The following SUFU variants were observed in gnomAD, a reference collection of about 807,000 sequenced individuals.
SUFU encodes the protein suppressor of fused homolog.
SUFU carries 7 observed loss-of-function variants against 58.9 expected under a neutral mutation model. The ratio of observed to expected loss-of-function variants is 0.12; its 90% confidence interval spans 0.07 to 0.22. The LOEUF is 0.22. Ranked by LOEUF, SUFU falls within the 10% of genes least tolerant of loss-of-function variation. The pLI, the probability that SUFU is intolerant of heterozygous loss-of-function variation, is 1.00. For missense variants in SUFU, 451 were observed against 641.3 expected, an observed-to-expected ratio of 0.70 and a Z score of 3.20; for synonymous variants, 232 against 254.8, an observed-to-expected ratio of 0.91 and a Z score of 0.85.
intron 7 of SUFU, 46 bp from the exon 8 acceptor site, chr10:102,599,387 C>T: frequency 6.9e-7 from 1 of 1,456,506 alleles, no homozygotes; most frequent in Non-Finnish European, 9.6e-7. Flanking sequence ...GTGAGAATTG[C>T]TGGGAGCCCA....
At chr10:102,606,410 C>T (rs1158099273) in intron 8 of SUFU, among the ~76,000 whole-genome samples, 2 of 152,166 alleles carry the variant, frequency 1.3e-5, no homozygotes, top group Non-Finnish European at 1.5e-5. Context: ...GTTTTTATTG[C>T]GCATCACCTT....
At position 102,530,991 on chromosome 10, in the gene SUFU, G is replaced by A. The variant is rs191258979; in HGVS notation, c.318-18979G>A. 2.1e-3 allele frequency among the ~76,000 whole-genome samples: 318 copies of A among 150,900 alleles called. 2 individuals are homozygous for A. Among genetic ancestry groups the A allele is most frequent in the Middle Eastern group, 0.017 (5 of 292 alleles). ...GGTGGTTCACACCTGTAGTCCCAGCGCTTTGGGAGGCTGAGTCAGGAGGAT... is the reference window on the plus strand; with the variant it reads ...GGTGGTTCACACCTGTAGTCCCAGCACTTTGGGAGGCTGAGTCAGGAGGAT... On this transcript the variant is annotated intron_variant, in intron 2 of 11. Transcript: ENST00000369902.
Position 102,619,198 on chromosome 10 carries a change from T to G in SUFU, c.1296+1770T>G. 1 of 1,599,106 alleles carries G rather than the reference T, an allele frequency of 6.3e-7. No individual in the cohort carries two copies. The highest frequency in any genetic ancestry group is 8.5e-7 in the Non-Finnish European group (1 of 1,176,360). ...CCCACAGGACTTCGCAGATGTCACA[T>G]TGCCCCTCAGTCCCCTGAATGCCCT... On this transcript the variant is annotated intron_variant, in intron 10 of 11. Coordinates refer to ENST00000369902, the MANE Select transcript of SUFU (RefSeq NM_016169.4). The surrounding 1 kb of genome is among the most constrained non-coding windows in gnomAD (Gnocchi z 4.2).
rs1428805291 is a variant in SUFU at position 102,563,771 on chromosome 10, C to CT, written c.454+13675dup. ...AATGGCCAGTTTGGGGAGTGAAGTC[C>CT]TTTTTTTTTTGTTGTTAAATTAAGA... On this transcript the variant is annotated intron_variant, in intron 3 of 11. Transcript: ENST00000369902. Among the ~76,000 whole-genome samples the CT allele has an allele frequency of 4.6e-3, 691 of 150,200 alleles. 2 individuals are homozygous for CT. The highest frequency in any genetic ancestry group is 0.032 in the Middle Eastern group (9 of 282).
At chr10:102,541,588 G>A (rs1275961876) in intron 2 of SUFU, among the ~76,000 whole-genome samples, 9 of 151,052 alleles carry the variant, frequency 6.0e-5, no homozygotes, top group East Asian at 1.9e-4. Flanking sequence ...TAGTAGAGAC[G>A]AGGTTTCACC....
intron 3 of SUFU, among the ~76,000 whole-genome samples, chr10:102,558,821 T>A (rs1258967615): frequency 6.6e-6 from 1 of 152,206 alleles, no homozygotes; most frequent in African/African-American, 2.4e-5. Flanking sequence ...GAAGTCAGAT[T>A]ATTAGAGGAG....
At chr10:102,550,371 A>G (rs985141858) in intron 3 of SUFU, among the ~76,000 whole-genome samples, 1 of 152,054 alleles carries the variant, frequency 6.6e-6, no homozygotes, top group African/African-American at 2.4e-5. Context: ...GTCGTGTTTC[A>G]TGGAGGGTTT....
intron 3 of SUFU, among the ~76,000 whole-genome samples, chr10:102,572,067 G>T (rs1480841191): frequency 1.3e-5 from 2 of 152,012 alleles, no homozygotes; most frequent in African/African-American, 4.8e-5. Flanking sequence ...CCACCCAGGA[G>T]AATCTCTTTT....
chr10:102,547,997 A>G (rs1041951564), intron 2 of SUFU, among the ~76,000 whole-genome samples: 1 of 152,070 alleles, frequency 6.6e-6, no homozygotes, highest in Non-Finnish European at 1.5e-5. Context: ...CTAAAAAAAA[A>G]GAAAGAAATT....
At chr10:102,506,817 C>T (rs2062333177) in intron 1 of SUFU, among the ~76,000 whole-genome samples, 1 of 152,198 alleles carries the variant, frequency 6.6e-6, no homozygotes, top group Non-Finnish European at 1.5e-5. Flanking sequence ...CTGTCTGTGG[C>T]CCAGGGTAGC....
intron 3 of SUFU, among the ~76,000 whole-genome samples, chr10:102,576,508 C>T (rs184808285): frequency 1.3e-5 from 2 of 152,174 alleles, no homozygotes; most frequent in African/African-American, 4.8e-5. Flanking sequence ...TAGGTTGTTG[C>T]CATTTTTGCA....
intron 3 of SUFU, among the ~76,000 whole-genome samples, chr10:102,585,188 G>A (rs563572817): frequency 1.1e-4 from 17 of 152,172 alleles, no homozygotes; most frequent in African/African-American, 3.9e-4. Flanking sequence ...CCACAGTTGT[G>A]AAACCATCAC....
In SUFU at chr10:102,594,065, A is replaced by C. The variant is rs1317467424; in HGVS notation, c.756A>C (p.Gln252His). 1 of 1,614,064 alleles carries C rather than the reference A, an allele frequency of 6.2e-7. No homozygotes were observed. The highest frequency in any genetic ancestry group is 1.7e-5 in the Admixed American group (1 of 60,022). Residue 252 changes from glutamine (Q) to histidine (H), a missense_variant and splice_region_variant, in exon 6 of 12, where the codon CAA (glutamine) becomes CAC (histidine). Physicochemically the swap from Gln to His is conservative, Grantham distance 24. Transcript: ENST00000369902. Reference sequence around the variant, plus strand: ...TATTTGAGATCGATCCACACCTGCAAGTATGTCTTGAGTGAGGAAAACCTT... The same window carrying C: ...TATTTGAGATCGATCCACACCTGCACGTATGTCTTGAGTGAGGAAAACCTT... ...ETIFEIDPHL[Q>H]ERVDKGIETD...
intron 8 of SUFU, among the ~76,000 whole-genome samples, chr10:102,612,381 A>G (rs74153590): frequency 6.6e-6 from 1 of 152,218 alleles, no homozygotes; most frequent in African/African-American, 2.4e-5. Context: ...AAATGTGGGC[A>G]CTTGTCACAT....
chr10:102,568,923 CATATATATATATATATATATATAT>C (rs1166324733), intron 3 of SUFU, among the ~76,000 whole-genome samples: 7,160 of 39,094 alleles, frequency 0.18, 957 homozygotes, highest in East Asian at 0.5. Flanking sequence ...TATATATACA[CATATATATATATATATATATATAT>C]ATATATATAT....
chr10:102,569,991 C>T (rs779934032), intron 3 of SUFU, among the ~76,000 whole-genome samples: 2 of 152,056 alleles, frequency 1.3e-5, no homozygotes, highest in Non-Finnish European at 2.9e-5. Flanking sequence ...TGAGGTCTTC[C>T]CATATGGAAA....
In SUFU at chr10:102,632,399, AC is replaced by A; in HGVS notation, c.*2247del. The A allele has an allele frequency of 4.3e-6, 1 of 233,260 alleles. No individual in the cohort carries two copies. Among genetic ancestry groups the A allele is most frequent in the Non-Finnish European group, 8.5e-6 (1 of 118,060 alleles). 14.4% of individuals were successfully genotyped at this position (233,260 alleles called of 1,614,324 possible). A position where few individuals can be genotyped will look rare whatever the true frequency, so the allele number is the denominator to read the frequency against. ...GCAATATGTCAGGAGCCTCACGCTCACCCAAGATCCTGCAGGGGCCAGGCTC... is the reference window on the plus strand; with the variant it reads ...GCAATATGTCAGGAGCCTCACGCTCACCAAGATCCTGCAGGGGCCAGGCTC... On this transcript the variant is annotated 3_prime_UTR_variant, in exon 12 of 12. Transcript: ENST00000369902.
intron 3 of SUFU, among the ~76,000 whole-genome samples, chr10:102,565,576 G>A (rs191991779): frequency 6.6e-6 from 1 of 152,256 alleles, no homozygotes; most frequent in Non-Finnish European, 1.5e-5. Context: ...ACGGAGTCTC[G>A]CTCTGTCGCC....
intron 3 of SUFU, among the ~76,000 whole-genome samples, chr10:102,577,821 C>G (rs1430887407): frequency 6.6e-5 from 10 of 151,258 alleles, no homozygotes; most frequent in African/African-American, 2.4e-4. Context: ...GCTGGGACTA[C>G]AGGTGCCCAC....
Sources: gnomAD v4.1 joint callset for allele counts (sites outside exome capture counted in the v4.1 genomes callset) on GRCh38, gnomAD v4.1.1 for gene constraint, Gnocchi (gnomAD v3.1) non-coding constraint, MANE v1.5 for transcripts, NCBI Gene and HGNC (gene_info 2026-07-23, HGNC 2026-07-21) for gene names.